LYRM1: variants seen among roughly 807,000 people sequenced by gnomAD.
LYRM1 encodes LYR motif-containing protein 1.
A neutral mutation model predicts 14.9 loss-of-function variants in LYRM1; 14 were observed. That is an observed-to-expected ratio of 0.94 (90% CI 0.62 to 1.47). The LOEUF (loss-of-function observed/expected upper bound fraction) is 1.47, where lower values mean the gene tolerates loss of function less well. LYRM1 is among the 40% of genes most tolerant of loss of function. The probability of loss-of-function intolerance (pLI) is 0.00; values close to 1 mark genes in which losing one functional copy is unlikely to be tolerated. For synonymous variants in LYRM1, 43 were observed against 56.2 expected (o/e 0.77, Z 1.05); for missense variants, 153 against 149.9 (o/e 1.02, Z -0.11).
At chr16:20,922,521 G>A (rs535073248) in intron 3 of LYRM1, among the ~76,000 whole-genome samples, 67 of 151,666 alleles carry the variant, frequency 4.4e-4, no homozygotes, top group Non-Finnish European at 5.7e-4. Flanking sequence ...ACGGAGTCTC[G>A]CACTGTCACC....
Position 20,902,093 on chromosome 16 carries a change from G to A in LYRM1, c.-1+1204G>A, listed in dbSNP as rs577247797. Among the ~76,000 whole-genome samples, 16 of 152,250 alleles carry A rather than the reference G, an allele frequency of 1.1e-4. No individual in the cohort carries two copies. The East Asian group carries it at 2.9e-3, about 28-fold the overall frequency. ...GCCACTTCACTCCAGCCTGGGCAAC[G>A]GAGTGAGACTCCGTCTTAAGAAAAA... On this transcript the variant is annotated intron_variant, in intron 1 of 3. Coordinates refer to ENST00000567954, the MANE Select transcript of LYRM1 (RefSeq NM_001128302.3).
chr16:20,916,906 T>C (rs956524232), intron 2 of LYRM1, among the ~76,000 whole-genome samples: 1 of 152,126 alleles, frequency 6.6e-6, no homozygotes, highest in Non-Finnish European at 1.5e-5. Flanking sequence ...GAAAGAAATA[T>C]AAAATTACAG....
At chr16:20,923,357 G>T (rs1403684972) in intron 3 of LYRM1, among the ~76,000 whole-genome samples, 1 of 151,752 alleles carries the variant, frequency 6.6e-6, no homozygotes, top group Non-Finnish European at 1.5e-5. Flanking sequence ...AAAATTAGCC[G>T]GGCGTGGTGG....
At position 20,911,412 on chromosome 16, in the gene LYRM1, A is replaced by T. The variant is rs554680145; in HGVS notation, c.1-4144A>T. 1.3e-5 allele frequency: 2 copies of T among 152,294 alleles called. 1 individual carries two copies. The highest frequency in any genetic ancestry group is 3.9e-4 in the East Asian group (2 of 5,176). 9.4% of individuals were successfully genotyped at this position (152,294 alleles called of 1,614,324 possible). On this transcript the variant is annotated intron_variant, in intron 1 of 3. Coordinates refer to ENST00000567954, the MANE Select transcript of LYRM1 (RefSeq NM_001128302.3). ...CATAATTTCAGGACTACCCTAAAGC[A>T]TATTATCTCCACCTCTTATGCCTTT...
intron 1 of LYRM1, among the ~76,000 whole-genome samples, chr16:20,910,279 T>C (rs2082526565): frequency 6.6e-6 from 1 of 152,172 alleles, no homozygotes; most frequent in Non-Finnish European, 1.5e-5. Context: ...TGGAAGGAAA[T>C]GGTAGGCTAG....
chr16:20,908,746 G>A (rs1322375736), intron 1 of LYRM1, among the ~76,000 whole-genome samples: 1 of 152,204 alleles, frequency 6.6e-6, no homozygotes, highest in African/African-American at 2.4e-5. Flanking sequence ...ATAGAAGCAA[G>A]GAAAAGGTTG....
intron 1 of LYRM1, among the ~76,000 whole-genome samples, chr16:20,909,800 C>T (rs2082498256): frequency 6.6e-6 from 1 of 152,158 alleles, no homozygotes; most frequent in South Asian, 2.1e-4. Flanking sequence ...CTTTCTATAG[C>T]ACAGGATACT....
At chr16:20,914,426 C>CT (rs1250473211) in intron 1 of LYRM1, among the ~76,000 whole-genome samples, 2 of 150,008 alleles carry the variant, frequency 1.3e-5, no homozygotes, top group Non-Finnish European at 3.0e-5. Flanking sequence ...GTAGCTGGGA[C>CT]TACAGGCACA....
intron 1 of LYRM1, among the ~76,000 whole-genome samples, chr16:20,909,257 G>A (rs974936328): frequency 6.6e-6 from 1 of 152,232 alleles, no homozygotes; most frequent in South Asian, 2.1e-4. Context: ...GTTATAACAG[G>A]GCGTGATTTT....
chr16:20,904,214 T>C (rs949110379), intron 1 of LYRM1, among the ~76,000 whole-genome samples: 2 of 152,144 alleles, frequency 1.3e-5, no homozygotes, highest in African/African-American at 2.4e-5. Context: ...ATGGGAAAAA[T>C]AGCTGTATAT....
chr16:20,902,959 C>T (rs1397686771), intron 1 of LYRM1, among the ~76,000 whole-genome samples: 5 of 152,104 alleles, frequency 3.3e-5, no homozygotes, highest in South Asian at 2.1e-4. Flanking sequence ...ACCACAATTA[C>T]GATCAGTTCC....
chr16:20,908,032 A>G (rs573048918), intron 1 of LYRM1, among the ~76,000 whole-genome samples: 1 of 152,278 alleles, frequency 6.6e-6, no homozygotes, highest in Admixed American at 6.5e-5. Flanking sequence ...GGATGGATGG[A>G]TCCTTGGAAG....
chr16:20,923,556 C>T (rs1331223592), intron 3 of LYRM1, among the ~76,000 whole-genome samples: 1 of 151,714 alleles, frequency 6.6e-6, no homozygotes, highest in Non-Finnish European at 1.5e-5. Context: ...ATTTAACCAG[C>T]CCCTCTCTTG....
At chr16:20,902,280 C>T (rs906094909) in intron 1 of LYRM1, among the ~76,000 whole-genome samples, 1 of 152,100 alleles carries the variant, frequency 6.6e-6, no homozygotes, top group African/African-American at 2.4e-5. Flanking sequence ...AAAGGAATAT[C>T]GAAAGTTCTC....
At chr16:20,916,916 G>C (rs2082930393) in intron 2 of LYRM1, among the ~76,000 whole-genome samples, 1 of 152,178 alleles carries the variant, frequency 6.6e-6, no homozygotes, top group Non-Finnish European at 1.5e-5. Context: ...TAAAATTACA[G>C]TTGGGAAAAG....
intron 1 of LYRM1, among the ~76,000 whole-genome samples, chr16:20,904,979 T>C (rs1567442959): frequency 6.6e-6 from 1 of 152,178 alleles, no homozygotes; most frequent in Non-Finnish European, 1.5e-5. Flanking sequence ...GGTCTGAAGA[T>C]AAGCGGTGCT....
rs1033200812 is a variant in LYRM1 at position 20,920,647 on chromosome 16, G to A, written c.252+433G>A. Reference sequence around the variant, plus strand: ...TCATGCCTATAATCCTAGCACTTTGGGAGGCCAAGGCAGGAGGATCACTTG... The same window carrying A: ...TCATGCCTATAATCCTAGCACTTTGAGAGGCCAAGGCAGGAGGATCACTTG... On this transcript the variant is annotated intron_variant, in intron 3 of 3. Coordinates refer to ENST00000567954, the MANE Select transcript of LYRM1 (RefSeq NM_001128302.3). 7.6e-5 allele frequency: 13 copies of A among 171,008 alleles called. 1 individual carries two copies. The South Asian group carries it at 1.6e-3, about 21-fold the overall frequency. 10.6% of individuals were successfully genotyped at this position (171,008 alleles called of 1,614,324 possible).
intron 3 of LYRM1, chr16:20,921,861 C>G (rs1156424664): frequency 2.0e-5 from 3 of 151,778 alleles, no homozygotes; most frequent in Non-Finnish European, 4.4e-5. Context: ...GGTAGTATAC[C>G]CTTTTAGTCT....
rs537787747 is a variant in LYRM1, at chr16:20,919,575, G to A, written c.160-547G>A. ...ATCCATAGCGGAATCATTTATAATA[G>A]CAAAAAATTGGAAATAACTTAATTA... On this transcript the variant is annotated intron_variant, in intron 2 of 3. Coordinates refer to ENST00000567954, the MANE Select transcript of LYRM1 (RefSeq NM_001128302.3). 8.5e-5 allele frequency among the ~76,000 whole-genome samples: 13 copies of A among 152,228 alleles called. No homozygotes were observed. The South Asian group carries it at 2.3e-3, about 27-fold the overall frequency.
Sources: gnomAD v4.1 joint callset for allele counts (sites outside exome capture counted in the v4.1 genomes callset) on GRCh38, gnomAD v4.1.1 for gene constraint, MANE v1.5 for transcripts, NCBI Gene and HGNC (gene_info 2026-07-23, HGNC 2026-07-21) for gene names.